SFT2D2: variants seen among roughly 807,000 people sequenced by gnomAD.
SFT2D2 encodes SFT2 domain containing 2.
In SFT2D2, 21 loss-of-function variants were observed where a neutral mutation model predicts 27.4. That is an observed-to-expected ratio of 0.77 (90% CI 0.54 to 1.10). SFT2D2 has a LOEUF of 1.10. SFT2D2 is among the 50% of genes least tolerant of loss of function. SFT2D2 has a pLI of 0.00. For missense variants in SFT2D2, 187 were observed against 194.2 expected (o/e 0.96, Z 0.22); for synonymous variants, 72 against 71.7 (o/e 1.00, Z -0.02).
At chr1:168,233,732 G>A (rs1451706711) in intron 3 of SFT2D2, among the ~76,000 whole-genome samples, 1 of 152,186 alleles carries the variant, frequency 6.6e-6, no homozygotes, top group Non-Finnish European at 1.5e-5. Flanking sequence ...GTCTAGAAGA[G>A]CTCTTTAGCA....
chr1:168,234,871 G>A (rs143859759), intron 3 of SFT2D2, among the ~76,000 whole-genome samples: 2 of 152,288 alleles, frequency 1.3e-5, no homozygotes, highest in East Asian at 3.9e-4. Context: ...TAGTTGGGTG[G>A]CCTTGGATAA....
At chr1:168,230,417 C>A (rs938635215) in intron 1 of SFT2D2, among the ~76,000 whole-genome samples, 2 of 152,212 alleles carry the variant, frequency 1.3e-5, no homozygotes. Context: ...CAGCTTGGAA[C>A]AACTGTTCCC....
chr1:168,229,315 G>T (rs1344816402), intron 1 of SFT2D2, among the ~76,000 whole-genome samples: 1 of 152,172 alleles, frequency 6.6e-6, no homozygotes, highest in Non-Finnish European at 1.5e-5. Context: ...CGCCTCCCGG[G>T]TTCAGGCCAT....
intron 1 of SFT2D2, among the ~76,000 whole-genome samples, chr1:168,229,189 C>T (rs939643317): frequency 2.0e-5 from 3 of 152,148 alleles, no homozygotes; most frequent in East Asian, 1.9e-4. Context: ...TGAACTGCTT[C>T]CTATTGTGGT....
intron 7 of SFT2D2, among the ~76,000 whole-genome samples, chr1:168,240,807 G>A (rs1237151687): frequency 8.5e-5 from 13 of 152,084 alleles, no homozygotes; most frequent in Admixed American, 8.5e-4. Flanking sequence ...AGCTACTCAG[G>A]AGGCTGAGGC....
At position 168,242,806 on chromosome 1, in the gene SFT2D2, T is replaced by C; in HGVS notation, c.*266T>C. ...ATGTACCTGTTTCCTCTCTGGATGT[T>C]GTCCCACTGAATTCCCATGAATACA... On this transcript the variant is annotated 3_prime_UTR_variant, in exon 8 of 8. Transcript: ENST00000271375. 2.1e-6 allele frequency: 1 copy of C among 478,712 alleles called. No homozygotes were observed. Among genetic ancestry groups the C allele is most frequent in the Non-Finnish European group, 3.8e-6 (1 of 260,310 alleles). The allele number at this position is 478,712 out of a possible 1,614,324, so 29.7% of individuals were successfully genotyped here.
chr1:168,230,211 G>C (rs903826778), intron 1 of SFT2D2, among the ~76,000 whole-genome samples: 1 of 152,228 alleles, frequency 6.6e-6, no homozygotes, highest in South Asian at 2.1e-4. Flanking sequence ...CAAGGCTGAC[G>C]GAGTTGCCAG....
chr1:168,233,783 A>AT (rs1265579562), intron 3 of SFT2D2, among the ~76,000 whole-genome samples: 3 of 152,206 alleles, frequency 2.0e-5, no homozygotes, highest in Admixed American at 6.5e-5. Context: ...GTGTAGGGAA[A>AT]TAATAAAGGG....
chr1:168,231,797 G>A (rs376353427), intron 2 of SFT2D2, 37 bp from the exon 3 acceptor site: 1 of 1,601,516 alleles, frequency 6.2e-7, no homozygotes, highest in African/African-American at 1.3e-5. Flanking sequence ...CGGGTGGGAG[G>A]GTTGCTCATG....
At chr1:168,230,496 CAG>C (rs1214532547) in intron 1 of SFT2D2, among the ~76,000 whole-genome samples, 1 of 152,110 alleles carries the variant, frequency 6.6e-6, no homozygotes, top group African/African-American at 2.4e-5. Flanking sequence ...TTTTCCGAGA[CAG>C]AGTTACACTC....
rs1647883016 is a variant in SFT2D2, at chr1:168,248,751, T to C, written c.*6211T>C. 1 of 152,248 alleles carries C rather than the reference T, an allele frequency of 6.6e-6. No homozygotes were observed. The highest frequency in any genetic ancestry group is 1.5e-5 in the Non-Finnish European group (1 of 68,036). 9.4% of individuals were successfully genotyped at this position (152,248 alleles called of 1,614,324 possible). On this transcript the variant is annotated 3_prime_UTR_variant, in exon 8 of 8. Coordinates refer to ENST00000271375, the MANE Select transcript of SFT2D2 (RefSeq NM_199344.3). ...TTATGGTTGGTAGGCTATTAATTAC[T>C]GCCTCAATTTCAGAACTTGTTATTG... is the stretch of plus-strand genomic sequence containing the variant.
intron 1 of SFT2D2, among the ~76,000 whole-genome samples, chr1:168,226,429 G>A (rs770980766): frequency 6.6e-5 from 10 of 152,172 alleles, no homozygotes; most frequent in Non-Finnish European, 1.3e-4. Flanking sequence ...GGGCGACTGG[G>A]CTGTCGGCCC....
At chr1:168,235,526 A>G (rs932578267) in intron 4 of SFT2D2, among the ~76,000 whole-genome samples, 2 of 152,192 alleles carry the variant, frequency 1.3e-5, no homozygotes, top group Non-Finnish European at 2.9e-5. Context: ...CTTAGAGGGA[A>G]TAACTCAGAA....
intron 7 of SFT2D2, among the ~76,000 whole-genome samples, chr1:168,240,771 G>A (rs996232159): frequency 6.6e-6 from 1 of 152,084 alleles, no homozygotes; most frequent in Non-Finnish European, 1.5e-5. Flanking sequence ...AATTAACCGA[G>A]CGTGGTGGCG....
chr1:168,232,784 A>T (rs999501465), intron 3 of SFT2D2, among the ~76,000 whole-genome samples: 1 of 152,204 alleles, frequency 6.6e-6, no homozygotes, highest in Non-Finnish European at 1.5e-5. Flanking sequence ...AGGCAGACAG[A>T]CATATAACTC....
intron 1 of SFT2D2, among the ~76,000 whole-genome samples, chr1:168,230,174 A>G (rs188289187): frequency 3.3e-4 from 50 of 152,322 alleles, no homozygotes; most frequent in Admixed American, 2.0e-3. Flanking sequence ...GACAGGGTTG[A>G]AAACAGATCC....
intron 4 of SFT2D2, 146 bp downstream of exon 4, chr1:168,235,328 GGGAACACTC>G: frequency 3.8e-6 from 3 of 783,518 alleles, no homozygotes; most frequent in Non-Finnish European, 6.4e-6. Context: ...TGTGGCAGAA[GGGAACACTC>G]TAAGTAATAC....
At chr1:168,227,406 T>C (rs898558782) in intron 1 of SFT2D2, among the ~76,000 whole-genome samples, 4 of 152,184 alleles carry the variant, frequency 2.6e-5, no homozygotes, top group Non-Finnish European at 5.9e-5. Flanking sequence ...ACGTTTGTGG[T>C]TGCTGATTTT....
rs1647685600 is a variant in SFT2D2, at chr1:168,242,846, C to T, written c.*306C>T. ...CCATGAATACAAACCTATTCAGCAA[C>T]AGCACATAAGCCTTGGGTGCAAGTG... On this transcript the variant is annotated 3_prime_UTR_variant, in exon 8 of 8. Transcript: ENST00000271375. 7.8e-6 allele frequency: 3 copies of T among 385,448 alleles called. No homozygotes were observed. The highest frequency in any genetic ancestry group is 1.5e-5 in the Non-Finnish European group (3 of 202,488). The allele number at this position is 385,448 out of a possible 1,614,324, so 23.9% of individuals were successfully genotyped here. A position where few individuals can be genotyped will look rare whatever the true frequency, so the allele number is the denominator to read the frequency against.
Sources: allele counts gnomAD v4.1 joint callset (sites outside exome capture counted in the v4.1 genomes callset), GRCh38; gene constraint gnomAD v4.1.1; transcripts MANE v1.5; gene names NCBI Gene and HGNC (gene_info 2026-07-23, HGNC 2026-07-21).